Variants in MAGI2 observed in about 807,000 individuals in gnomAD.
MAGI2 encodes membrane-associated guanylate kinase, WW and PDZ domain-containing protein 2.
A neutral mutation model predicts 133.3 loss-of-function variants in MAGI2; 35 were observed. That is an observed-to-expected ratio of 0.26 (90% CI 0.20 to 0.35). The LOEUF (loss-of-function observed/expected upper bound fraction) is 0.35, where lower values mean the gene tolerates loss of function less well. MAGI2 is among the 10% of genes least tolerant of loss of function. MAGI2 has a pLI of 1.00. For missense variants in MAGI2, 1,636 were observed against 1,863.4 expected, an observed-to-expected ratio of 0.88 and a Z score of 2.25; for synonymous variants, 729 against 710.6, an observed-to-expected ratio of 1.03 and a Z score of -0.41.
At chr7:79,150,245 G>C (rs1200265164) in intron 1 of MAGI2, among the ~76,000 whole-genome samples, 1 of 121,748 alleles carries the variant, frequency 8.2e-6, no homozygotes. Flanking sequence ...AAATAAAATG[G>C]TAAATTTACG....
At chr7:78,817,653 A>G (rs530715144) in intron 2 of MAGI2, among the ~76,000 whole-genome samples, 36 of 152,268 alleles carry the variant, frequency 2.4e-4, no homozygotes, top group African/African-American at 8.4e-4. Context: ...TATGTTTAAC[A>G]TATGTACATT....
intron 2 of MAGI2, among the ~76,000 whole-genome samples, chr7:78,776,369 A>T (rs1188180210): frequency 2.6e-5 from 4 of 152,212 alleles, no homozygotes; most frequent in African/African-American, 9.6e-5. Context: ...CTATTTAACT[A>T]ATCATAAACT....
Position 78,882,086 on chromosome 7 carries a change from C to CAAAAAAA in MAGI2, c.418+124997_418+125003dup, listed in dbSNP as rs771918590. On this transcript the variant is annotated intron_variant, in intron 2 of 21. Coordinates refer to ENST00000354212, the MANE Select transcript of MAGI2 (RefSeq NM_012301.4). ...GCTAGATTAACAACAACAACAACAA[C>CAAAAAAA]AAAAAAAAAAAAAAAAAAAAAAGAA... is the stretch of plus-strand genomic sequence containing the variant. Among the ~76,000 whole-genome samples the CAAAAAAA allele has an allele frequency of 5.0e-3, 62 of 12,480 alleles. 5 individuals are homozygous for CAAAAAAA. Among genetic ancestry groups the CAAAAAAA allele is most frequent in the Non-Finnish European group, 6.7e-3 (49 of 7,326 alleles). 8.2% of individuals were successfully genotyped at this position (12,480 alleles called of 152,430 possible). A position where few individuals can be genotyped will look rare whatever the true frequency, so the allele number is the denominator to read the frequency against.
At chr7:79,136,477 C>T (rs568383228) in intron 1 of MAGI2, among the ~76,000 whole-genome samples, 2 of 152,272 alleles carry the variant, frequency 1.3e-5, no homozygotes, top group South Asian at 2.1e-4. Flanking sequence ...AGCCTAATTC[C>T]GCCTCTCATC....
At chr7:78,655,464 A>AAAAAACAAAAAAC (rs748893843) in intron 2 of MAGI2, among the ~76,000 whole-genome samples, 3,403 of 147,054 alleles carry the variant, frequency 0.023, 88 homozygotes, top group East Asian at 0.12. Context: ...CAAAAAAAAA[A>AAAAAACAAAAAAC]AAAAAAAAAA....
intron 2 of MAGI2, among the ~76,000 whole-genome samples, chr7:78,982,231 A>G (rs993552681): frequency 4.6e-5 from 7 of 152,076 alleles, no homozygotes; most frequent in African/African-American, 1.7e-4. Flanking sequence ...GTTAAAAATT[A>G]TATTTTAACT....
At chr7:78,101,756 G>C (rs1259918579) in intron 20 of MAGI2, among the ~76,000 whole-genome samples, 2 of 152,158 alleles carry the variant, frequency 1.3e-5, no homozygotes, top group East Asian at 3.9e-4. Context: ...TACCACTGTT[G>C]ATGGGAATAT....
chr7:78,113,540 A>G (rs1819566354), intron 20 of MAGI2, among the ~76,000 whole-genome samples: 1 of 152,176 alleles, frequency 6.6e-6, no homozygotes, highest in Admixed American at 6.5e-5. Flanking sequence ...AGATATGTTA[A>G]GATATACAAA....
In MAGI2 at chr7:79,199,349, C is replaced by T. The variant is rs146974966; in HGVS notation, c.302-192143G>A. ...AGTCCAATGAATATCTGTACGCTTC[C>T]TACTAAGATTATACAATTGCTAAAC... On this transcript the variant is annotated intron_variant, in intron 1 of 21. Transcript: ENST00000354212. Among the ~76,000 whole-genome samples the T allele has an allele frequency of 7.7e-4, 117 of 152,062 alleles. 3 individuals are homozygous for T. The highest frequency in any genetic ancestry group is 2.6e-3 in the African/African-American group (108 of 41,384).
chr7:78,572,503 T>C (rs1801606229), intron 3 of MAGI2, among the ~76,000 whole-genome samples: 1 of 152,130 alleles, frequency 6.6e-6, no homozygotes, highest in Admixed American at 6.6e-5. Context: ...TTTCCCTCCC[T>C]GACTCTGTTG....
At chr7:79,318,347 A>C (rs1427660279) in intron 1 of MAGI2, among the ~76,000 whole-genome samples, 1 of 152,170 alleles carries the variant, frequency 6.6e-6, no homozygotes, top group African/African-American at 2.4e-5. Context: ...AGTGGGTTAT[A>C]ATTTATTTGT....
chr7:78,615,444 A>T (rs1248731330), intron 3 of MAGI2: 1 of 152,106 alleles, frequency 6.6e-6, no homozygotes, highest in African/African-American at 2.4e-5. Flanking sequence ...GAGACCATTT[A>T]CTCTCATCCT....
chr7:78,145,870 G>A (rs1443049706), intron 16 of MAGI2, among the ~76,000 whole-genome samples: 1 of 152,028 alleles, frequency 6.6e-6, no homozygotes, highest in African/African-American at 2.4e-5. Context: ...CATCATTGGG[G>A]TACCACTCTC....
At position 78,019,442 on chromosome 7, in the gene MAGI2, G is replaced by C; in HGVS notation, c.4241C>G (p.Pro1414Arg). 1.0e-6 allele frequency: 1 copy of C among 993,110 alleles called. No homozygotes were observed. Among genetic ancestry groups the C allele is most frequent in the Non-Finnish European group, 1.2e-6 (1 of 836,954 alleles). The allele number at this position is 993,110 out of a possible 1,614,324, so 61.5% of individuals were successfully genotyped here. Residue 1414 changes from proline to arginine, a missense_variant, in exon 22 of 22, where the codon CCG becomes CGG. Pro to Arg is a moderately radical substitution (Grantham distance 103, BLOSUM62 -2). This residue lies in a region of MAGI2 where 354 missense variants were observed against 298.7 expected (regional missense o/e 1.19). Transcript: ENST00000354212. ...GRAGARAGPR[P>R]GPRPPGGAPA... ...GGCGCCCCCCGGGGGTCGCGGGCCCGGCCGGGGACCCGCGCGCGCACCCGC... is the reference window on the plus strand; with the variant it reads ...GGCGCCCCCCGGGGGTCGCGGGCCCCGCCGGGGACCCGCGCGCGCACCCGC...
At chr7:79,214,081 A>T (rs1252355989) in intron 1 of MAGI2, among the ~76,000 whole-genome samples, 1 of 151,916 alleles carries the variant, frequency 6.6e-6, no homozygotes, top group African/African-American at 2.4e-5. Context: ...TTGCAGTTCA[A>T]ACTCTTAAGA....
In MAGI2 at chr7:78,547,448, G is replaced by A. The variant is rs4730376; in HGVS notation, c.539-25803C>T. On this transcript the variant is annotated intron_variant, in intron 3 of 21. Coordinates refer to ENST00000354212, the MANE Select transcript of MAGI2 (RefSeq NM_012301.4). ...ACCTCATAGTTTATTGCGGTGTATT[G>A]GTATGATTGTTCTAGACTTTATAAA... 7.6e-3 allele frequency among the ~76,000 whole-genome samples: 1,163 copies of A among 152,250 alleles called. 53 individuals carry two copies. The highest frequency in any genetic ancestry group is 0.068 in the Admixed American group (1,039 of 15,302).
intron 1 of MAGI2, among the ~76,000 whole-genome samples, chr7:79,026,385 C>G (rs1809884461): frequency 6.6e-6 from 1 of 152,088 alleles, no homozygotes; most frequent in South Asian, 2.1e-4. Flanking sequence ...TTCACTTTTA[C>G]TGAAATATTA....
At chr7:78,803,407 A>G (rs1044119131) in intron 2 of MAGI2, among the ~76,000 whole-genome samples, 1 of 152,200 alleles carries the variant, frequency 6.6e-6, no homozygotes, top group Admixed American at 6.6e-5. Flanking sequence ...TGGCTTTTCA[A>G]AGTTTTTCAT....
chr7:79,183,080 T>G (rs1327910963), intron 1 of MAGI2, among the ~76,000 whole-genome samples: 1 of 151,862 alleles, frequency 6.6e-6, no homozygotes, highest in Admixed American at 6.6e-5. Flanking sequence ...CAGAGGTTGG[T>G]TAATGGGTAC....
Sources: allele counts gnomAD v4.1 joint callset (sites outside exome capture counted in the v4.1 genomes callset), GRCh38; gene constraint gnomAD v4.1.1; regional missense constraint gnomAD v4.1.1; transcripts MANE v1.5; gene names NCBI Gene and HGNC (gene_info 2026-07-23, HGNC 2026-07-21).